GAREM1: variants seen among roughly 807,000 people sequenced by gnomAD.
GAREM1 encodes GRB2 associated regulator of MAPK1 subtype 1, also known as GRB2-associated and regulator of MAPK protein 1.
In GAREM1, 26 loss-of-function variants were observed where a neutral mutation model predicts 71.3. The ratio of observed to expected loss-of-function variants is 0.36; its 90% confidence interval spans 0.27 to 0.51. GAREM1 has a LOEUF of 0.51. Among genes scored for constraint, GAREM1 ranks in the 20% least tolerant of loss-of-function variants. The probability of loss-of-function intolerance (pLI) is 0.95; values close to 1 mark genes in which losing one functional copy is unlikely to be tolerated. For missense variants in GAREM1, 1,026 were observed against 1,103.1 expected (o/e 0.93, Z 0.99); for synonymous variants, 440 against 433.2 (o/e 1.02, Z -0.20).
rs760958336 is a variant in GAREM1 at position 32,270,374 on chromosome 18, C to A, written c.1576G>T (p.Glu526Ter). The A allele has an allele frequency of 6.2e-7, 1 of 1,611,468 alleles. No individual in the cohort carries two copies. The change falls in exon 5 of 6, where the codon GAA (glutamate) becomes TAA (stop). Residue 526 changes from glutamate to a stop codon, truncating the protein, a stop_gained. Coordinates refer to ENST00000269209, the MANE Select transcript of GAREM1 (RefSeq NM_001242409.2). LOFTEE classifies it high-confidence loss of function. ...VPPKSEAVRE[E>*]CRLLNAPPVP... ...GGTGGGGCGTTCAGGAGCCGGCATTCTTCTCTGACCTGGCGCAGAAAAGAA... is the reference window on the plus strand; with the variant it reads ...GGTGGGGCGTTCAGGAGCCGGCATTATTCTCTGACCTGGCGCAGAAAAGAA...
intron 2 of GAREM1, among the ~76,000 whole-genome samples, chr18:32,333,876 C>A (rs2047562416): frequency 6.6e-6 from 1 of 152,098 alleles, no homozygotes; most frequent in African/African-American, 2.4e-5. Flanking sequence ...AGCATGGAGT[C>A]AAGACTCAGG....
chr18:32,280,153 G>C (rs2041594510), intron 4 of GAREM1, among the ~76,000 whole-genome samples: 1 of 152,098 alleles, frequency 6.6e-6, no homozygotes, highest in Admixed American at 6.5e-5. Context: ...TCAGATTTAA[G>C]AAAATCTGTC....
At chr18:32,361,183 A>G (rs2047861654) in intron 2 of GAREM1, among the ~76,000 whole-genome samples, 1 of 152,180 alleles carries the variant, frequency 6.6e-6, no homozygotes, top group Admixed American at 6.5e-5. Flanking sequence ...GTTCATAAGT[A>G]GATTATCTGC....
At chr18:32,457,206 G>GA (rs760760100) in intron 1 of GAREM1, among the ~76,000 whole-genome samples, 3 of 101,714 alleles carry the variant, frequency 2.9e-5, no homozygotes, top group African/African-American at 1.3e-4. Flanking sequence ...GTGTAGGGGG[G>GA]GAGAGAGAGA....
At chr18:32,370,959 C>A (rs527983423) in intron 2 of GAREM1, among the ~76,000 whole-genome samples, 1 of 152,180 alleles carries the variant, frequency 6.6e-6, no homozygotes, top group Non-Finnish European at 1.5e-5. Context: ...ACTAGAGATA[C>A]AAAAGAAATT....
intron 4 of GAREM1, among the ~76,000 whole-genome samples, chr18:32,277,439 C>T (rs2041557484): frequency 6.6e-6 from 1 of 152,126 alleles, no homozygotes; most frequent in African/African-American, 2.4e-5. Flanking sequence ...TCACTGGCCA[C>T]ATAAAGCTAG....
At chr18:32,432,717 A>C (rs767083385) in intron 1 of GAREM1, among the ~76,000 whole-genome samples, 1 of 152,170 alleles carries the variant, frequency 6.6e-6, no homozygotes, top group Non-Finnish European at 1.5e-5. Context: ...TTTCTTGAAA[A>C]TCACAAACTG....
At chr18:32,296,514 C>A (rs897871149) in intron 3 of GAREM1, among the ~76,000 whole-genome samples, 5 of 152,118 alleles carry the variant, frequency 3.3e-5, no homozygotes, top group Non-Finnish European at 7.3e-5. Context: ...GCCTCTGGTC[C>A]TCCGATCTGT....
In GAREM1 at chr18:32,267,958, T is replaced by C. The variant is rs747758556; in HGVS notation, c.2544A>G (p.Glu848=). 2 of 1,613,578 alleles carry C rather than the reference T, an allele frequency of 1.2e-6. No homozygotes were observed. Among genetic ancestry groups the C allele is most frequent in the Non-Finnish European group, 1.7e-6 (2 of 1,179,474 alleles). ...ATTTGAAATCCTCTGAGAGGATTTC[T>C]TCCGTTAGCTGAACAAGCAGGTTCC... ...IDGNLLVQLT[E]EILSEDFKLS... Residue 848 remains glutamate (E), a synonymous_variant, in exon 6 of 6, where the codon GAA becomes GAG. Transcript: ENST00000269209.
chr18:32,421,441 T>C (rs1359113077), intron 1 of GAREM1, among the ~76,000 whole-genome samples: 1 of 152,218 alleles, frequency 6.6e-6, no homozygotes, highest in Non-Finnish European at 1.5e-5. Flanking sequence ...GTTCCCATTC[T>C]GGTGCTATGA....
At chr18:32,303,208 C>G (rs1486149628) in intron 3 of GAREM1, among the ~76,000 whole-genome samples, 1 of 152,126 alleles carries the variant, frequency 6.6e-6, no homozygotes, top group Non-Finnish European at 1.5e-5. Context: ...AAAATAGTAA[C>G]ATTATAGCAT....
intron 2 of GAREM1, among the ~76,000 whole-genome samples, chr18:32,344,792 T>C: frequency 6.6e-6 from 1 of 152,188 alleles, no homozygotes; most frequent in Non-Finnish European, 1.5e-5. Context: ...CCGGGCACGG[T>C]GGCTCACGCC....
At chr18:32,446,901 T>G (rs546577369) in intron 1 of GAREM1, among the ~76,000 whole-genome samples, 1 of 152,314 alleles carries the variant, frequency 6.6e-6, no homozygotes, top group Non-Finnish European at 1.5e-5. Flanking sequence ...AATCCAGCCG[T>G]GGTGAGTGTC....
chr18:32,342,352 C>T (rs982868375), intron 2 of GAREM1, among the ~76,000 whole-genome samples: 10 of 152,172 alleles, frequency 6.6e-5, no homozygotes, highest in Admixed American at 2.0e-4. Flanking sequence ...TCATCCTCCA[C>T]GCTGCTGCTG....
chr18:32,449,730 G>C (rs1178372702), intron 1 of GAREM1, among the ~76,000 whole-genome samples: 1 of 152,198 alleles, frequency 6.6e-6, no homozygotes, highest in Non-Finnish European at 1.5e-5. Context: ...CTTCTGTGAA[G>C]ACCAGAATTA....
At chr18:32,350,072 G>T (rs2047732638) in intron 2 of GAREM1, among the ~76,000 whole-genome samples, 1 of 152,138 alleles carries the variant, frequency 6.6e-6, no homozygotes, top group South Asian at 2.1e-4. Context: ...AAGCAGAAAT[G>T]GTTAAAAGAA....
At chr18:32,326,581 T>C (rs2047476779) in intron 2 of GAREM1, among the ~76,000 whole-genome samples, 1 of 152,230 alleles carries the variant, frequency 6.6e-6, no homozygotes, top group African/African-American at 2.4e-5. Flanking sequence ...GCTTAATGAA[T>C]GAGTATGCTT....
intron 2 of GAREM1, among the ~76,000 whole-genome samples, chr18:32,313,692 G>A (rs2047347786): frequency 6.6e-6 from 1 of 152,150 alleles, no homozygotes; most frequent in African/African-American, 2.4e-5. Context: ...TTAAAGCCTG[G>A]TGGACAAGCG....
intron 3 of GAREM1, among the ~76,000 whole-genome samples, chr18:32,293,144 GAC>G (rs533565242): frequency 1.6e-3 from 241 of 150,484 alleles, no homozygotes; most frequent in African/African-American, 5.7e-3. Context: ...TAGACACACA[GAC>G]ACACACACAC....
Sources: gnomAD v4.1 joint callset for allele counts (sites outside exome capture counted in the v4.1 genomes callset) on GRCh38, gnomAD v4.1.1 for gene constraint, MANE v1.5 for transcripts, NCBI Gene and HGNC (gene_info 2026-07-23, HGNC 2026-07-21) for gene names.